The following ING1 variants were observed in gnomAD, a reference collection of about 807,000 sequenced individuals.
ING1 encodes the protein inhibitor of growth family member 1.
ING1 carries 4 observed loss-of-function variants against 23.1 expected under a neutral mutation model. The ratio of observed to expected loss-of-function variants is 0.17; its 90% CI spans 0.09 to 0.40. The LOEUF is 0.40. ING1 is among the 10% of genes least tolerant of loss of function. The pLI, the probability that ING1 is intolerant of heterozygous loss-of-function variation, is 1.00. For missense variants in ING1, 256 were observed against 393.8 expected (o/e 0.65, Z 2.96); for synonymous variants, 179 against 166.4 (o/e 1.08, Z -0.58).
chr13:110,712,839 G>C (rs368247586), upstream of ING1: 1 of 1,024,032 alleles, frequency 9.8e-7, no homozygotes, highest in Admixed American at 2.0e-5. Context: ...CTAGGAAGCA[G>C]CTTCCCTCTC....
intron 1 of ING1, chr13:110,715,920 C>T (rs747263147): frequency 6.4e-7 from 1 of 1,568,684 alleles, no homozygotes; most frequent in East Asian, 2.3e-5. Flanking sequence ...GTTCGGACCG[C>T]CTCCCGCGAC....
In ING1 at chr13:110,719,980, T is replaced by C; in HGVS notation, c.*48T>C. The C allele has an allele frequency of 7.4e-7, 1 of 1,346,202 alleles. No individual in the cohort carries two copies. Among genetic ancestry groups the C allele is most frequent in the Non-Finnish European group, 1.0e-6 (1 of 983,596 alleles). The allele number at this position is 1,346,202 out of a possible 1,614,324, so 83.4% of individuals were successfully genotyped here. On this transcript the variant is annotated 3_prime_UTR_variant, in exon 2 of 2. Transcript: ENST00000333219. The surrounding 1 kb of genome is among the most constrained non-coding windows in gnomAD (Gnocchi z 8.9). ...GAGGAGGACAAAATAAACCGTGTAT[T>C]TATTACATTGCTGCCTTTGTTGAGG...
intron 1 of ING1, among the ~76,000 whole-genome samples, chr13:110,718,258 A>AAAT (rs973101343): frequency 3.9e-5 from 6 of 152,216 alleles, no homozygotes; most frequent in African/African-American, 1.2e-4. Flanking sequence ...TGCAGTTAAA[A>AAAT]AATAATAATA....
rs150478285 is a variant in ING1, at chr13:110,717,463, A to G, written c.137-1766A>G. Among the ~76,000 whole-genome samples the G allele has an allele frequency of 2.4e-3, 358 of 152,326 alleles. 3 individuals are homozygous for G. In the East Asian group the frequency reaches 0.029, roughly 12 times the overall value. ...ATATGTCTTATAACTATTTGGAGAT[A>G]AGATCTGGAAAGGAAGGGGGTAACA... On this transcript the variant is annotated intron_variant, in intron 1 of 1. Coordinates refer to ENST00000333219, the MANE Select transcript of ING1 (RefSeq NM_198219.3).
rs1657398604 is a variant in ING1 at position 110,719,668 on chromosome 13, C to G, written c.576C>G (p.Ala192=). ...KTSKKKKRSK[A]KAEREASPAD... ...CCAAGAAGAAGAAGCGCTCCAAGGC[C>G]AAGGCGGAGCGAGAGGCGTCCCCTG... is the stretch of plus-strand genomic sequence containing the variant. The change falls in exon 2 of 2, where the codon GCC becomes GCG. Residue 192 remains alanine (A), a synonymous_variant. Coordinates refer to ENST00000333219, the MANE Select transcript of ING1 (RefSeq NM_198219.3). The surrounding 1 kb of genome is among the most constrained non-coding windows in gnomAD (Gnocchi z 8.9). 1 of 1,613,706 alleles carries G rather than the reference C, an allele frequency of 6.2e-7. No individual in the cohort carries two copies. Among genetic ancestry groups the G allele is most frequent in the Non-Finnish European group, 8.5e-7 (1 of 1,179,972 alleles).
At chr13:110,712,805 A>C, upstream of ING1, 1 of 783,488 alleles carries the variant, frequency 1.3e-6, no homozygotes. Flanking sequence ...CCTCGGGCCT[A>C]TCCACCTCTT....
upstream of ING1, chr13:110,712,974 A>C (rs2064051373): frequency 1.3e-6 from 2 of 1,558,494 alleles, no homozygotes; most frequent in African/African-American, 2.7e-5. Context: ...CGGCCGCGGA[A>C]TGGGTAGGTC....
At chr13:110,716,241 G>C (rs555842737) in intron 1 of ING1, among the ~76,000 whole-genome samples, 14 of 152,320 alleles carry the variant, frequency 9.2e-5, no homozygotes, top group African/African-American at 3.4e-4. Flanking sequence ...TTGTCCTCCT[G>C]TCGTTGCTGG....
Position 110,719,408 on chromosome 13 carries a change from G to T in ING1, c.316G>T (p.Val106Leu), listed in dbSNP as rs1223106775. The change falls in exon 2 of 2, where the codon GTG (valine) becomes TTG (leucine). Residue 106 changes from valine to leucine, a missense_variant. Transcript: ENST00000333219. This position sits in a 1 kb window ranked among gnomAD's most constrained non-coding sequence, Gnocchi z 8.9. ...GCTGGTGGAGAACCGCACGCGGCAG[G>T]TGGACAGCCACGTGGAGCTGTTCGA... is the stretch of plus-strand genomic sequence containing the variant. Reference protein sequence around the residue: ...VELVENRTRQVDSHVELFEAQ... With the variant: ...VELVENRTRQLDSHVELFEAQ... The T allele has an allele frequency of 6.2e-7, 1 of 1,611,314 alleles. No individual in the cohort carries two copies. The highest frequency in any genetic ancestry group is 8.5e-7 in the Non-Finnish European group (1 of 1,179,716).
chr13:110,714,773 C>T (rs1005055754), intron 1 of ING1, among the ~76,000 whole-genome samples: 28 of 152,216 alleles, frequency 1.8e-4, no homozygotes, highest in African/African-American at 6.8e-4. Context: ...CGTCGCCCCC[C>T]ACTCAGTCCC....
chr13:110,714,356 G>A lies in ING1; in HGVS notation c.136+71G>A, dbSNP rs908757894. 2.2e-6 allele frequency: 3 copies of A among 1,389,932 alleles called. No individual in the cohort carries two copies. In the East Asian group the frequency reaches 9.4e-5, roughly 43 times the overall value. The allele number at this position is 1,389,932 out of a possible 1,614,324, so 86.1% of individuals were successfully genotyped here. Reference sequence around the variant, plus strand: ...GCGGGTCCGGGCGCGCCGCGGAGCCGGGCCGGTCCTGCCGTGGACCGGAGG... The same window carrying A: ...GCGGGTCCGGGCGCGCCGCGGAGCCAGGCCGGTCCTGCCGTGGACCGGAGG... On this transcript the variant is annotated intron_variant, in intron 1 of 1. Transcript: ENST00000333219.
Position 110,714,209 on chromosome 13 carries a change from G to C in ING1, c.60G>C (p.Leu20=), listed in dbSNP as rs2064078968. 1 of 1,570,670 alleles carries C rather than the reference G, an allele frequency of 6.4e-7. No individual in the cohort carries two copies. The highest frequency in any genetic ancestry group is 1.4e-5 in the African/African-American group (1 of 71,354). The change falls in exon 1 of 2, where the codon CTG becomes CTC. Residue 20 remains leucine (L), a synonymous_variant. Transcript: ENST00000333219. ...LHLVNYVEDY[L]DSIESLPFDL... The stretch of plus-strand genomic sequence containing the variant: ...TGGTGAACTATGTGGAGGACTACCT[G>C]GACTCCATCGAGTCCCTGCCTTTCG...
Position 110,719,338 on chromosome 13 carries a change from G to T in ING1, c.246G>T (p.Gln82His). The change falls in exon 2 of 2, where the codon CAG (glutamine) becomes CAT (histidine). Residue 82 changes from glutamine (Q) to histidine (H), a missense_variant. Coordinates refer to ENST00000333219, the MANE Select transcript of ING1 (RefSeq NM_198219.3). The surrounding 1 kb of genome is among the most constrained non-coding windows in gnomAD (Gnocchi z 8.9). Reference protein sequence around the residue: ...HCVQRALIRSQELGDEKIQIV... With the variant: ...HCVQRALIRSHELGDEKIQIV... ...TGCAGCGCGCGCTGATCCGCAGCCA[G>T]GAGCTGGGCGACGAGAAGATCCAGA... The T allele has an allele frequency of 6.2e-7, 1 of 1,609,134 alleles. No individual in the cohort carries two copies. The highest frequency in any genetic ancestry group is 8.5e-7 in the Non-Finnish European group (1 of 1,179,860).
intron 1 of ING1, 135 bp downstream of exon 1, chr13:110,714,420 A>G (rs1293929572): frequency 3.8e-6 from 3 of 793,470 alleles, no homozygotes; most frequent in Non-Finnish European, 5.2e-6. Flanking sequence ...CGGCAGGGGC[A>G]GGAACAAAAG....
At chr13:110,715,818 G>GC (rs1252075466) in intron 1 of ING1, 1 of 1,586,192 alleles carries the variant, frequency 6.3e-7, no homozygotes, top group Non-Finnish European at 8.5e-7. Context: ...TGTCGCCCCG[G>GC]CCCCTCTCCC....
upstream of ING1, chr13:110,713,202 C>T (rs1043518933): frequency 7.0e-7 from 1 of 1,422,592 alleles, no homozygotes; most frequent in South Asian, 1.6e-5. Flanking sequence ...AGATTGGCTA[C>T]TGCGGTTGCC....
At position 110,719,049 on chromosome 13, in the gene ING1, G is replaced by GTTGTGTTGTGTTGTGTTGTA. The variant is rs550205267; in HGVS notation, c.137-175_137-174insTTGTGTTGTGTTGTATTGTG. Among the ~76,000 whole-genome samples, 33 of 152,140 alleles carry GTTGTGTTGTGTTGTGTTGTA rather than the reference G, an allele frequency of 2.2e-4. No individual in the cohort carries two copies. The highest frequency in any genetic ancestry group is 7.7e-4 in the African/African-American group (32 of 41,498). ...GTTGTGTTGTGTTGTGTTGTGTTGT[G>GTTGTGTTGTGTTGTGTTGTA]TTGTGGTTAGCACAGGAACAGATAG... On this transcript the variant is annotated intron_variant, in intron 1 of 1. Coordinates refer to ENST00000333219, the MANE Select transcript of ING1 (RefSeq NM_198219.3). This position sits in a 1 kb window ranked among gnomAD's most constrained non-coding sequence, Gnocchi z 8.9.
Position 110,719,193 on chromosome 13 carries a change from C to G in ING1, c.137-36C>G. On this transcript the variant is annotated intron_variant, in intron 1 of 1. Transcript: ENST00000333219. The surrounding 1 kb of genome is among the most constrained non-coding windows in gnomAD (Gnocchi z 8.9). ...GGGCCGTGTGGGTTGTCCCGGTGTC[C>G]TGCTCGCGAGTGACGCCTGTCCTTC... The G allele has an allele frequency of 3.1e-6, 5 of 1,603,534 alleles. No individual in the cohort carries two copies. Among genetic ancestry groups the G allele is most frequent in the Non-Finnish European group, 4.3e-6 (5 of 1,173,428 alleles).
upstream of ING1, chr13:110,713,295 C>T (rs565116451): frequency 5.7e-4 from 716 of 1,266,792 alleles, 3 homozygotes; most frequent in African/African-American, 5.7e-3. Flanking sequence ...GCGGTAGTTG[C>T]TGTGTACCAT....
Sources: allele counts gnomAD v4.1 joint callset (sites outside exome capture counted in the v4.1 genomes callset), GRCh38; gene constraint gnomAD v4.1.1; non-coding constraint Gnocchi (gnomAD v3.1); transcripts MANE v1.5; gene names NCBI Gene and HGNC (gene_info 2026-07-23, HGNC 2026-07-21).